SLIT3: variants seen among roughly 807,000 people sequenced by gnomAD.
The protein encoded by SLIT3 is slit homolog 3 protein.
SLIT3 carries 68 observed loss-of-function variants against 184.0 expected under a neutral mutation model. The ratio of observed to expected loss-of-function variants is 0.37; its 90% confidence interval spans 0.30 to 0.45. The LOEUF (loss-of-function observed/expected upper bound fraction) is 0.45, where lower values mean the gene tolerates loss of function less well. Among genes scored for constraint, SLIT3 ranks in the 20% least tolerant of loss-of-function variants. The pLI, the probability that SLIT3 is intolerant of heterozygous loss-of-function variation, is 1.00. For synonymous variants in SLIT3, 831 were observed against 828.6 expected (o/e 1.00, Z -0.05); for missense variants, 1,707 against 2,026.0 (o/e 0.84, Z 3.02).
chr5:168,757,907 T>G (rs899000574), intron 16 of SLIT3, among the ~76,000 whole-genome samples: 3 of 152,230 alleles, frequency 2.0e-5, no homozygotes, highest in South Asian at 2.1e-4. Flanking sequence ...ATTTCTATTA[T>G]GTAAATGATG....
chr5:169,088,045 A>T (rs946598546), intron 4 of SLIT3, among the ~76,000 whole-genome samples: 1 of 152,236 alleles, frequency 6.6e-6, no homozygotes, highest in Non-Finnish European at 1.5e-5. Flanking sequence ...GCAGGAGGGC[A>T]GAGGTGCCCC....
chr5:168,987,859 G>A (rs904838649), intron 4 of SLIT3, among the ~76,000 whole-genome samples: 1 of 152,234 alleles, frequency 6.6e-6, no homozygotes, highest in Non-Finnish European at 1.5e-5. Flanking sequence ...TCGGTGTTAG[G>A]TAGGTGGGGG....
At chr5:168,970,808 T>A (rs752118346) in intron 4 of SLIT3, among the ~76,000 whole-genome samples, 3 of 152,216 alleles carry the variant, frequency 2.0e-5, no homozygotes, top group Non-Finnish European at 4.4e-5. Flanking sequence ...TATGTTACCT[T>A]GGGCAGGGTA....
rs776632334 is a variant in SLIT3, at chr5:168,883,270, C to T, written c.480G>A (p.Lys160=). 1.7e-5 allele frequency: 27 copies of T among 1,613,818 alleles called. No individual in the cohort carries two copies. Among genetic ancestry groups the T allele is most frequent in the Non-Finnish European group, 2.1e-5 (25 of 1,179,668 alleles). The change falls in exon 5 of 36, where the codon AAG becomes AAA. Residue 160 remains lysine, a synonymous_variant. Transcript: ENST00000519560. ...RKAFRGITDV[K]NLQLDNNHIS... is the part of the protein sequence containing the mutation. Reference sequence around the variant, plus strand: ...GCAAGGAAAACATCACTTACAGGTTCTTCACATCGGTGATGCCGCGGAACG... The same window carrying T: ...GCAAGGAAAACATCACTTACAGGTTTTTCACATCGGTGATGCCGCGGAACG...
intron 4 of SLIT3, among the ~76,000 whole-genome samples, chr5:169,104,483 C>G (rs295994): frequency 0.47 from 72,001 of 152,052 alleles, 17,135 homozygotes; most frequent in Middle Eastern, 0.58. Flanking sequence ...AAACTAACAG[C>G]CAATTTCACA....
chr5:169,274,649 G>T (rs1028977623), intron 1 of SLIT3, among the ~76,000 whole-genome samples: 1 of 152,160 alleles, frequency 6.6e-6, no homozygotes, highest in Non-Finnish European at 1.5e-5. Flanking sequence ...ACAATCTCTG[G>T]GCAAACAGGG....
chr5:169,251,587 C>A, intron 1 of SLIT3, 128 bp from the exon 2 acceptor site: 1 of 694,666 alleles, frequency 1.4e-6, no homozygotes, highest in South Asian at 1.6e-5. Context: ...TTAACGATAT[C>A]CCTTGAGCGT....
chr5:169,258,430 C>T (rs1022338852), intron 1 of SLIT3, among the ~76,000 whole-genome samples: 1 of 152,206 alleles, frequency 6.6e-6, no homozygotes, highest in Non-Finnish European at 1.5e-5. Context: ...ACCCTGTCTC[C>T]CAGTGAAGTC....
chr5:168,675,464 T>C (rs924952435), intron 32 of SLIT3, among the ~76,000 whole-genome samples: 1 of 152,114 alleles, frequency 6.6e-6, no homozygotes, highest in Non-Finnish European at 1.5e-5. Context: ...TAACCAACCA[T>C]AGGAATAGAA....
chr5:169,264,412 T>G (rs1361875799), intron 1 of SLIT3, among the ~76,000 whole-genome samples: 15 of 152,116 alleles, frequency 9.9e-5, no homozygotes. Flanking sequence ...CTCAAACTCC[T>G]GACCTCAAAC....
At chr5:168,678,892 A>G (rs1356547635) in intron 32 of SLIT3, among the ~76,000 whole-genome samples, 2 of 152,068 alleles carry the variant, frequency 1.3e-5, no homozygotes, top group African/African-American at 4.8e-5. Flanking sequence ...TTCAGGGGAG[A>G]GAAGGGGGCT....
At chr5:169,035,647 GAAA>G (rs201819555) in intron 4 of SLIT3, among the ~76,000 whole-genome samples, 46 of 103,564 alleles carry the variant, frequency 4.4e-4, no homozygotes, top group East Asian at 1.2e-3. Context: ...ACTGCATCTG[GAAA>G]AAAAAAAAAA....
intron 20 of SLIT3, among the ~76,000 whole-genome samples, chr5:168,740,149 G>A (rs889048701): frequency 2.0e-5 from 3 of 152,170 alleles, no homozygotes; most frequent in African/African-American, 7.2e-5. Flanking sequence ...CTGGTGGAAT[G>A]GGCATGAGCA....
chr5:169,150,957 A>C (rs1762095373), intron 4 of SLIT3, among the ~76,000 whole-genome samples: 1 of 152,176 alleles, frequency 6.6e-6, no homozygotes, highest in Non-Finnish European at 1.5e-5. Flanking sequence ...ATCAAAACTC[A>C]AACCTTTTCT....
chr5:168,679,602 G>C (rs1761519267), intron 32 of SLIT3, among the ~76,000 whole-genome samples: 1 of 152,104 alleles, frequency 6.6e-6, no homozygotes, highest in Non-Finnish European at 1.5e-5. Flanking sequence ...TCTAGGTGCT[G>C]GTTGCTCTAA....
intron 5 of SLIT3, among the ~76,000 whole-genome samples, chr5:168,868,504 C>T (rs949835573): frequency 6.6e-6 from 1 of 152,054 alleles, no homozygotes; most frequent in Non-Finnish European, 1.5e-5. Flanking sequence ...AATTTCAGCA[C>T]TTTGGGAGGA....
At chr5:169,141,419 G>GTTTTTTTTTTT (rs1554101709) in intron 4 of SLIT3, among the ~76,000 whole-genome samples, 1 of 143,150 alleles carries the variant, frequency 7.0e-6, no homozygotes, top group African/African-American at 2.6e-5. Flanking sequence ...TTTGTTGTTT[G>GTTTTTTTTTTT]TTTTGTTTTT....
intron 4 of SLIT3, among the ~76,000 whole-genome samples, chr5:169,036,713 A>G (rs573270748): frequency 1.4e-4 from 22 of 152,302 alleles, no homozygotes; most frequent in Non-Finnish European, 1.5e-5. Context: ...AGTCTTATGT[A>G]AATGAGAATT....
In SLIT3 at chr5:168,753,899, C is replaced by T; in HGVS notation, c.1794G>A (p.Gly598=). The T allele has an allele frequency of 2.5e-6, 4 of 1,611,962 alleles. No homozygotes were observed. The highest frequency in any genetic ancestry group is 3.4e-6 in the Non-Finnish European group (4 of 1,180,012). Residue 598 remains glycine (G), a synonymous_variant, in exon 17 of 36, where the codon GGG becomes GGA. Transcript: ENST00000519560. The part of the protein sequence containing the change: ...LTGNQLETVH[G]RVFRGLSGLK... The stretch of plus-strand genomic sequence containing the variant: ...GGCCACTGAGGCCACGGAACACGCG[C>T]CCGTGCACGGTCTCCAGCTGGTTCC...
Sources: allele counts gnomAD v4.1 joint callset (sites outside exome capture counted in the v4.1 genomes callset), GRCh38; gene constraint gnomAD v4.1.1; transcripts MANE v1.5; gene names NCBI Gene and HGNC (gene_info 2026-07-23, HGNC 2026-07-21).